EIF4G3: variants seen among roughly 807,000 people sequenced by gnomAD.
EIF4G3 encodes the protein eIF-4-gamma 3.
Under a neutral mutation model 186.4 loss-of-function variants are expected in EIF4G3, and 34 were observed. The ratio of observed to expected loss-of-function variants is 0.18; its 90% CI spans 0.14 to 0.24. EIF4G3 has a LOEUF of 0.24. EIF4G3 is among the 10% of genes least tolerant of loss of function. The pLI is 1.00. For synonymous variants in EIF4G3, 673 were observed against 679.5 expected, an observed-to-expected ratio of 0.99 and a Z score of 0.15; for missense variants, 1,536 against 1,948.5, an observed-to-expected ratio of 0.79 and a Z score of 3.99.
At chr1:21,123,776 CATAG>C (rs1444877132) in intron 2 of EIF4G3, among the ~76,000 whole-genome samples, 1 of 152,076 alleles carries the variant, frequency 6.6e-6, no homozygotes, top group Non-Finnish European at 1.5e-5. Flanking sequence ...AATTCTGCCA[CATAG>C]GTCCTATAAA....
intron 6 of EIF4G3, among the ~76,000 whole-genome samples, chr1:21,000,626 A>C (rs988395895): frequency 1.3e-5 from 2 of 152,156 alleles, no homozygotes; most frequent in Admixed American, 1.3e-4. Context: ...ACAAAAAAAA[A>C]CCCCATAACA....
intron 2 of EIF4G3, among the ~76,000 whole-genome samples, chr1:21,155,584 C>G (rs1249463463): frequency 6.6e-6 from 1 of 152,004 alleles, no homozygotes; most frequent in African/African-American, 2.4e-5. Flanking sequence ...TAATCTCAGC[C>G]ACTTGGGAGG....
At chr1:21,029,442 C>A (rs980831556) in intron 4 of EIF4G3, among the ~76,000 whole-genome samples, 3 of 151,094 alleles carry the variant, frequency 2.0e-5, no homozygotes, top group Non-Finnish European at 2.9e-5. Context: ...GGGACGAGAA[C>A]TGGGAAGAAA....
intron 2 of EIF4G3, among the ~76,000 whole-genome samples, chr1:21,124,272 C>T (rs1269974324): frequency 1.4e-5 from 2 of 144,932 alleles, no homozygotes; most frequent in Non-Finnish European, 3.0e-5. Context: ...GTGACAAGAG[C>T]GAGACTCGGT....
intron 14 of EIF4G3, among the ~76,000 whole-genome samples, chr1:20,919,888 T>C (rs2094334393): frequency 6.9e-6 from 1 of 144,666 alleles, no homozygotes; most frequent in South Asian, 2.2e-4. Context: ...TTGTGATGAC[T>C]TCAGTTAGCC....
chr1:20,994,837 C>T (rs1161568179), intron 7 of EIF4G3, among the ~76,000 whole-genome samples: 1 of 151,940 alleles, frequency 6.6e-6, no homozygotes, highest in East Asian at 1.9e-4. Flanking sequence ...TGAGGTTTCG[C>T]CATGTTGCTC....
intron 4 of EIF4G3, among the ~76,000 whole-genome samples, chr1:21,008,303 C>A (rs1447893873): frequency 6.6e-6 from 1 of 151,904 alleles, no homozygotes; most frequent in Admixed American, 6.6e-5. Flanking sequence ...GTAAATAAGG[C>A]CTAAGATAGA....
intron 34 of EIF4G3, among the ~76,000 whole-genome samples, chr1:20,816,809 G>T (rs1319256066): frequency 1.1e-5 from 1 of 94,242 alleles, no homozygotes; most frequent in South Asian, 4.0e-4. Context: ...AAGGCGGGAA[G>T]GGTGGGGAAA....
intron 4 of EIF4G3, among the ~76,000 whole-genome samples, chr1:21,018,785 C>A (rs1252005383): frequency 2.0e-5 from 3 of 152,114 alleles, no homozygotes; most frequent in Non-Finnish European, 4.4e-5. Context: ...CTGGTTCTCT[C>A]ATCATGTGAT....
intron 12 of EIF4G3, among the ~76,000 whole-genome samples, chr1:20,964,449 T>C (rs1243049274): frequency 6.6e-6 from 1 of 152,200 alleles, no homozygotes; most frequent in Non-Finnish European, 1.5e-5. Context: ...ATATGTGAGA[T>C]ACAAAATCTC....
At chr1:20,934,580 G>A (rs1363958935) in intron 14 of EIF4G3, among the ~76,000 whole-genome samples, 1 of 152,098 alleles carries the variant, frequency 6.6e-6, no homozygotes, top group Non-Finnish European at 1.5e-5. Context: ...CAGGTGAGTA[G>A]CACTGGGCAG....
chr1:20,982,117 C>A (rs2078424081), intron 8 of EIF4G3, among the ~76,000 whole-genome samples: 1 of 152,140 alleles, frequency 6.6e-6, no homozygotes, highest in African/African-American at 2.4e-5. Flanking sequence ...GGCACAATCC[C>A]ATACTAAACT....
At chr1:21,086,348 T>C (rs1450929788) in intron 3 of EIF4G3, among the ~76,000 whole-genome samples, 1 of 151,846 alleles carries the variant, frequency 6.6e-6, no homozygotes, top group African/African-American at 2.4e-5. Flanking sequence ...TACAGGCACA[T>C]GCCACCATGC....
At chr1:20,881,059 T>C (rs1001371205) in intron 19 of EIF4G3, among the ~76,000 whole-genome samples, 7 of 152,090 alleles carry the variant, frequency 4.6e-5, no homozygotes, top group African/African-American at 9.7e-5. Flanking sequence ...AGTTGGAGAA[T>C]TGAATTCACA....
intron 2 of EIF4G3, among the ~76,000 whole-genome samples, chr1:21,152,188 T>C (rs1188075847): frequency 2.6e-5 from 4 of 151,940 alleles, no homozygotes; most frequent in Non-Finnish European, 4.4e-5. Flanking sequence ...GAAATTCCTT[T>C]GGGCCAGGCA....
intron 2 of EIF4G3, among the ~76,000 whole-genome samples, chr1:21,151,737 C>A (rs1167803630): frequency 6.6e-6 from 1 of 150,990 alleles, no homozygotes; most frequent in African/African-American, 2.4e-5. Context: ...AAAAACAGGG[C>A]TAATTTCAAG....
At chr1:21,167,135 A>T (rs114134134) in intron 2 of EIF4G3, among the ~76,000 whole-genome samples, 2,591 of 152,266 alleles carry the variant, frequency 0.017, 82 homozygotes, top group African/African-American at 0.057. Context: ...GGACCTAGAA[A>T]AAAGGTCAGG....
At chr1:21,171,877 C>T (rs1483256633) in intron 2 of EIF4G3, among the ~76,000 whole-genome samples, 3 of 152,050 alleles carry the variant, frequency 2.0e-5, no homozygotes, top group Non-Finnish European at 4.4e-5. Flanking sequence ...CTTCTCAATA[C>T]ACCAAGGTAA....
intron 15 of EIF4G3, among the ~76,000 whole-genome samples, chr1:20,902,091 G>A (rs1173650657): frequency 2.7e-5 from 4 of 148,594 alleles, no homozygotes; most frequent in Non-Finnish European, 5.9e-5. Flanking sequence ...TTGAGACGGA[G>A]TCTTGCTCTG....
Sources: gnomAD v4.1 joint callset for allele counts (sites outside exome capture counted in the v4.1 genomes callset) on GRCh38, gnomAD v4.1.1 for gene constraint, MANE v1.5 for transcripts, NCBI Gene and HGNC (gene_info 2026-07-23, HGNC 2026-07-21) for gene names.